CACHD1: variants seen among roughly 807,000 people sequenced by gnomAD.
CACHD1 encodes the protein cache domain containing 1, also known as VWFA and cache domain-containing protein 1.
A neutral mutation model predicts 138.7 loss-of-function variants in CACHD1; 71 were observed. That is an observed-to-expected ratio of 0.51 (90% CI 0.42 to 0.62). The LOEUF (loss-of-function observed/expected upper bound fraction) is 0.62, where lower values mean the gene tolerates loss of function less well. Among genes scored for constraint, CACHD1 ranks in the 20% least tolerant of loss-of-function variants. CACHD1 has a pLI of 0.00. For missense variants in CACHD1, 1,389 were observed against 1,625.3 expected (o/e 0.85, Z 2.50); for synonymous variants, 578 against 591.5 (o/e 0.98, Z 0.33).
rs993017526 is a variant in CACHD1, at chr1:64,692,017, G to A, written c.*456G>A. On this transcript the variant is annotated 3_prime_UTR_variant, in exon 27 of 27. Coordinates refer to ENST00000651257, the MANE Select transcript of CACHD1 (RefSeq NM_020925.4). ...TGAAGATTTCGCTTTGTTTCTTAGC[G>A]GTACCTGGATACCACAGTTGCTGTA... 2.8e-5 allele frequency: 5 copies of A among 178,912 alleles called. No individual in the cohort carries two copies. The highest frequency in any genetic ancestry group is 1.3e-4 in the East Asian group (1 of 7,792). 11.1% of individuals were successfully genotyped at this position (178,912 alleles called of 1,614,324 possible).
intron 26 of CACHD1, among the ~76,000 whole-genome samples, chr1:64,690,809 G>A (rs1047495243): frequency 6.6e-6 from 1 of 152,176 alleles, no homozygotes; most frequent in African/African-American, 2.4e-5. Context: ...GTTCTATTGT[G>A]GCGTCACATT....
intron 7 of CACHD1, among the ~76,000 whole-genome samples, chr1:64,634,676 C>T (rs916774813): frequency 4.6e-5 from 7 of 152,036 alleles, no homozygotes; most frequent in African/African-American, 1.7e-4. Context: ...TGAGTCACCG[C>T]GACCAGCGTA....
chr1:64,674,988 G>A (rs958746896), intron 19 of CACHD1, among the ~76,000 whole-genome samples: 2 of 152,038 alleles, frequency 1.3e-5, no homozygotes, highest in African/African-American at 2.4e-5. Context: ...CAAAGAAAGG[G>A]GAATGCACAA....
At chr1:64,576,425 G>A (rs1646967597) in intron 2 of CACHD1, among the ~76,000 whole-genome samples, 1 of 151,948 alleles carries the variant, frequency 6.6e-6, no homozygotes, top group Non-Finnish European at 1.5e-5. Flanking sequence ...TTTACTCTGA[G>A]GTTCTGTTAT....
chr1:64,688,683 G>A (rs920217272), intron 26 of CACHD1, among the ~76,000 whole-genome samples: 3 of 151,506 alleles, frequency 2.0e-5, no homozygotes, highest in African/African-American at 4.9e-5. Flanking sequence ...CACTCCCACT[G>A]TCCACTACTA....
intron 3 of CACHD1, among the ~76,000 whole-genome samples, chr1:64,594,363 C>T (rs191875234): frequency 6.6e-6 from 1 of 152,092 alleles, no homozygotes; most frequent in Admixed American, 6.5e-5. Context: ...GGTACTCTGA[C>T]CAGTAGTAAA....
chr1:64,518,323 A>G (rs543624759), intron 1 of CACHD1, among the ~76,000 whole-genome samples: 7 of 151,954 alleles, frequency 4.6e-5, no homozygotes, highest in Admixed American at 2.0e-4. Context: ...TCCGGGATAC[A>G]TGTGCAGAAT....
intron 1 of CACHD1, among the ~76,000 whole-genome samples, chr1:64,514,268 T>C (rs1325952991): frequency 6.6e-6 from 1 of 152,222 alleles, no homozygotes; most frequent in Non-Finnish European, 1.5e-5. Context: ...ATGCTTTTTG[T>C]GGCCTTGGAA....
chr1:64,505,775 T>G (rs1220150789), intron 1 of CACHD1: 1 of 120,866 alleles, frequency 8.3e-6, no homozygotes, highest in African/African-American at 3.2e-5. Flanking sequence ...TTCCCCGGTC[T>G]GCCTTCTCCC....
chr1:64,548,358 T>C (rs2100447775), intron 1 of CACHD1, among the ~76,000 whole-genome samples: 1 of 152,312 alleles, frequency 6.6e-6, no homozygotes, highest in South Asian at 2.1e-4. Context: ...TTTATCAAGA[T>C]CTGGAGTCAC....
At chr1:64,646,046 C>T (rs1052280007) in intron 8 of CACHD1, among the ~76,000 whole-genome samples, 13 of 152,176 alleles carry the variant, frequency 8.5e-5, no homozygotes, top group African/African-American at 2.9e-4. Context: ...CATAACATCT[C>T]ATGATGGAGT....
intron 2 of CACHD1, among the ~76,000 whole-genome samples, chr1:64,551,126 G>A (rs2100454766): frequency 6.6e-6 from 1 of 152,148 alleles, no homozygotes; most frequent in Admixed American, 6.5e-5. Context: ...ATTAAATGAT[G>A]ACAAATTGAC....
rs745366869 is a variant in CACHD1 at position 64,679,553 on chromosome 1, G to A, written c.3245-42G>A. 2.5e-6 allele frequency: 4 copies of A among 1,607,808 alleles called. No individual in the cohort carries two copies. The South Asian group carries it at 3.3e-5, about 13-fold the overall frequency. On this transcript the variant is annotated intron_variant, in intron 23 of 26. Coordinates refer to ENST00000651257, the MANE Select transcript of CACHD1 (RefSeq NM_020925.4). ...CCATCCTTACTTTCTTCCCCACTTG[G>A]GAAATCTTAACAAGAAACATCTTCT...
chr1:64,606,641 T>C lies in CACHD1; in HGVS notation c.517+3729T>C, dbSNP rs71645596. ...AAGGTTTACTGAGCCAAGACTAGACTGGACAAGGCAAAGGTAGAAGTAGGG... is the reference window on the plus strand; with the variant it reads ...AAGGTTTACTGAGCCAAGACTAGACCGGACAAGGCAAAGGTAGAAGTAGGG... On this transcript the variant is annotated intron_variant, in intron 4 of 26. Transcript: ENST00000651257. Among the ~76,000 whole-genome samples the C allele has an allele frequency of 6.7e-3, 1,019 of 152,290 alleles. 4 individuals carry two copies. Among genetic ancestry groups the C allele is most frequent in the Non-Finnish European group, 0.01 (697 of 68,034 alleles).
intron 2 of CACHD1, chr1:64,563,687 G>A (rs1646859363): frequency 6.6e-6 from 1 of 152,172 alleles, no homozygotes; most frequent in Non-Finnish European, 1.5e-5. Context: ...AGATACCATG[G>A]AGACAAGGCC....
At chr1:64,490,821 A>C (rs1460828879) in intron 1 of CACHD1, among the ~76,000 whole-genome samples, 1 of 152,214 alleles carries the variant, frequency 6.6e-6, no homozygotes, top group Non-Finnish European at 1.5e-5. Flanking sequence ...ACTTTGTATC[A>C]TGCTTTTTCA....
intron 4 of CACHD1, among the ~76,000 whole-genome samples, chr1:64,626,235 C>G (rs1190048456): frequency 6.6e-6 from 1 of 152,214 alleles, no homozygotes; most frequent in African/African-American, 2.4e-5. Flanking sequence ...AAAGTCATAC[C>G]TGAGTATGTA....
In CACHD1 at chr1:64,671,587, C is replaced by T. The variant is rs1649819486; in HGVS notation, c.2411C>T (p.Thr804Ile). 1.9e-6 allele frequency: 3 copies of T among 1,614,044 alleles called. No individual in the cohort carries two copies. The African/African-American group carries it at 4.0e-5, about 22-fold the overall frequency. The change falls in exon 17 of 27, where the codon ACT becomes ATT. Residue 804 changes from threonine (T) to isoleucine (I), a missense_variant. Thr to Ile is a moderately conservative substitution (Grantham distance 89, BLOSUM62 -1). Around this residue, in one of 5 missense-constraint regions of CACHD1, gnomAD observed 1,000 missense variants for 1,114.7 expected, o/e 0.90. Coordinates refer to ENST00000651257, the MANE Select transcript of CACHD1 (RefSeq NM_020925.4). ...AGTACACAGCTGTCTTCTGGGCACA[C>T]TGTGGCTGTGATGGGCATTGACTTC... The part of the protein sequence containing the change: ...SSSTQLSSGH[T>I]VAVMGIDFTL...
At chr1:64,617,252 T>C (rs1413745118) in intron 4 of CACHD1, among the ~76,000 whole-genome samples, 1 of 152,130 alleles carries the variant, frequency 6.6e-6, no homozygotes, top group Non-Finnish European at 1.5e-5. Flanking sequence ...TTCTAAAAAC[T>C]GTGATGATCA....
Sources: allele counts gnomAD v4.1 joint callset (sites outside exome capture counted in the v4.1 genomes callset), GRCh38; gene constraint gnomAD v4.1.1; regional missense constraint gnomAD v4.1.1; transcripts MANE v1.5; gene names NCBI Gene and HGNC (gene_info 2026-07-23, HGNC 2026-07-21).